UBE2E2: variants seen among roughly 807,000 people sequenced by gnomAD.
UBE2E2 encodes the protein ubiquitin-conjugating enzyme E2 E2.
In UBE2E2, 6 loss-of-function variants were observed where a neutral mutation model predicts 24.7. That is an observed-to-expected ratio of 0.24 (90% CI 0.13 to 0.48). The LOEUF (loss-of-function observed/expected upper bound fraction) is 0.48. UBE2E2 is among the 20% of genes least tolerant of loss of function. The pLI, the probability that UBE2E2 is intolerant of heterozygous loss-of-function variation, is 0.99. For synonymous variants in UBE2E2, 104 were observed against 83.6 expected, an observed-to-expected ratio of 1.24 and a Z score of -1.33; for missense variants, 169 against 245.0, an observed-to-expected ratio of 0.69 and a Z score of 2.07.
intron 3 of UBE2E2, among the ~76,000 whole-genome samples, chr3:23,464,632 T>C (rs886659272): frequency 6.6e-6 from 1 of 152,186 alleles, no homozygotes; most frequent in Non-Finnish European, 1.5e-5. Context: ...AATTTAATTA[T>C]GTAGTACCTA....
chr3:23,319,669 G>T (rs1011327149), intron 3 of UBE2E2, among the ~76,000 whole-genome samples: 2 of 132,076 alleles, frequency 1.5e-5, no homozygotes, highest in Non-Finnish European at 3.5e-5. Flanking sequence ...AAAAAAATTA[G>T]CTGGATGTGG....
intron 3 of UBE2E2, among the ~76,000 whole-genome samples, chr3:23,478,567 T>A (rs895971543): frequency 2.0e-5 from 3 of 152,128 alleles, no homozygotes; most frequent in African/African-American, 7.2e-5. Context: ...ACAAAAATAT[T>A]AAGAATAGAG....
chr3:23,568,305 TG>T (rs1008550411), intron 5 of UBE2E2, among the ~76,000 whole-genome samples: 1 of 152,080 alleles, frequency 6.6e-6, no homozygotes, highest in Non-Finnish European at 1.5e-5. Context: ...GAAAAGACTT[TG>T]GGGGGTGGAA....
intron 3 of UBE2E2, among the ~76,000 whole-genome samples, chr3:23,310,847 T>C (rs935139480): frequency 6.6e-6 from 1 of 152,196 alleles, no homozygotes; most frequent in Non-Finnish European, 1.5e-5. Flanking sequence ...TCATTATTCC[T>C]AGACTGTGTA....
intron 3 of UBE2E2, among the ~76,000 whole-genome samples, chr3:23,252,508 A>G (rs1697602387): frequency 6.6e-6 from 1 of 152,004 alleles, no homozygotes; most frequent in Non-Finnish European, 1.5e-5. Flanking sequence ...TTTTTTTTTA[A>G]TTTTTTGAGA....
chr3:23,317,538 G>T (rs73039804), intron 3 of UBE2E2, among the ~76,000 whole-genome samples: 26,855 of 152,114 alleles, frequency 0.18, 2,634 homozygotes, highest in Non-Finnish European at 0.22. Context: ...CAGGATAAAG[G>T]GTTAATTGGA....
intron 3 of UBE2E2, among the ~76,000 whole-genome samples, chr3:23,293,964 T>C (rs932789967): frequency 1.3e-5 from 2 of 152,164 alleles, no homozygotes; most frequent in Non-Finnish European, 2.9e-5. Context: ...AAAATAAATA[T>C]AATACATTCA....
intron 3 of UBE2E2, among the ~76,000 whole-genome samples, chr3:23,242,989 G>A (rs1203888254): frequency 2.0e-5 from 3 of 152,012 alleles, no homozygotes; most frequent in Non-Finnish European, 4.4e-5. Context: ...GGGAGGCTGA[G>A]GCAGGAGAAT....
chr3:23,203,335 G>C lies in UBE2E2; in HGVS notation c.-138G>C. 1.0e-6 allele frequency: 1 copy of C among 986,532 alleles called. No individual in the cohort carries two copies. Among genetic ancestry groups the C allele is most frequent in the Non-Finnish European group, 1.2e-6 (1 of 830,488 alleles). 61.1% of individuals were successfully genotyped at this position (986,532 alleles called of 1,614,324 possible). On this transcript the variant is annotated 5_prime_UTR_variant, in exon 1 of 6. Transcript: ENST00000396703. ...GCGTGGTGCGTGGGTCCGGCTTTCG[G>C]TGACTAGACGGTCCGCAGGGGACAT...
At chr3:23,301,668 C>T (rs543399340) in intron 3 of UBE2E2, among the ~76,000 whole-genome samples, 6 of 152,234 alleles carry the variant, frequency 3.9e-5, no homozygotes, top group African/African-American at 1.4e-4. Flanking sequence ...AGTACCCGGC[C>T]GTGTGAGGTG....
intron 3 of UBE2E2, among the ~76,000 whole-genome samples, chr3:23,337,886 T>G (rs974712584): frequency 2.0e-5 from 3 of 152,046 alleles, no homozygotes; most frequent in African/African-American, 7.2e-5. Flanking sequence ...GAGTGATTAG[T>G]TTGTCTATTT....
chr3:23,358,721 A>T (rs1285554515), intron 3 of UBE2E2, among the ~76,000 whole-genome samples: 1 of 152,244 alleles, frequency 6.6e-6, no homozygotes. Flanking sequence ...AACTGAAATT[A>T]AGTATTTAAA....
intron 3 of UBE2E2, among the ~76,000 whole-genome samples, chr3:23,458,436 G>T (rs981765416): frequency 4.6e-5 from 7 of 151,650 alleles, no homozygotes; most frequent in Non-Finnish European, 8.8e-5. Context: ...GGTTGTTGTT[G>T]TTTGAGACGG....
At chr3:23,281,161 A>G (rs942873520) in intron 3 of UBE2E2, among the ~76,000 whole-genome samples, 3 of 152,184 alleles carry the variant, frequency 2.0e-5, no homozygotes, top group African/African-American at 7.2e-5. Flanking sequence ...GCAATATATG[A>G]ATTTTAGGGA....
At chr3:23,456,546 C>G (rs1009252843) in intron 3 of UBE2E2, among the ~76,000 whole-genome samples, 1 of 152,196 alleles carries the variant, frequency 6.6e-6, no homozygotes, top group African/African-American at 2.4e-5. Flanking sequence ...ATGAAAGCAA[C>G]ATTCATCTCC....
chr3:23,269,321 T>A (rs1178255950), intron 3 of UBE2E2, among the ~76,000 whole-genome samples: 1 of 152,120 alleles, frequency 6.6e-6, no homozygotes, highest in African/African-American at 2.4e-5. Context: ...AGGGCTAATA[T>A]CCAGAATCTA....
chr3:23,313,148 T>G lies in UBE2E2; in HGVS notation c.227+95836T>G, dbSNP rs1025813622. 5.3e-5 allele frequency among the ~76,000 whole-genome samples: 8 copies of G among 152,292 alleles called. No homozygotes were observed. The East Asian group carries it at 1.4e-3, about 26-fold the overall frequency. ...GCGGATTAAGTCTGATATTTCTTTGTTGATTTTCTGTCTGGATGATCTGTT... is the reference window on the plus strand; with the variant it reads ...GCGGATTAAGTCTGATATTTCTTTGGTGATTTTCTGTCTGGATGATCTGTT... On this transcript the variant is annotated intron_variant, in intron 3 of 5. Coordinates refer to ENST00000396703, the MANE Select transcript of UBE2E2 (RefSeq NM_152653.4).
chr3:23,371,917 AG>A (rs1030898001), intron 3 of UBE2E2, among the ~76,000 whole-genome samples: 1 of 152,148 alleles, frequency 6.6e-6, no homozygotes, highest in African/African-American at 2.4e-5. Context: ...CAGGAGTTCA[AG>A]ACCAGCCTGC....
At chr3:23,555,830 T>C (rs1445434061) in intron 5 of UBE2E2, among the ~76,000 whole-genome samples, 2 of 152,146 alleles carry the variant, frequency 1.3e-5, no homozygotes, top group African/African-American at 4.8e-5. Context: ...AAAGGTCAAC[T>C]ATATAAAGAT....
Sources: gnomAD v4.1 joint callset for allele counts (sites outside exome capture counted in the v4.1 genomes callset) on GRCh38, gnomAD v4.1.1 for gene constraint, MANE v1.5 for transcripts, NCBI Gene and HGNC (gene_info 2026-07-23, HGNC 2026-07-21) for gene names.